AGAP3: variants seen among roughly 807,000 people sequenced by gnomAD.
AGAP3 encodes the protein ArfGAP with GTPase domain, ankyrin repeat and PH domain 3, also known as arf-GAP with GTPase, ANK repeat and PH domain-containing protein 3.
A neutral mutation model predicts 96.9 loss-of-function variants in AGAP3; 24 were observed. The observed-to-expected ratio is 0.25, with a 90% CI of 0.18 to 0.35. The LOEUF (loss-of-function observed/expected upper bound fraction) is 0.35. Ranked by LOEUF, AGAP3 falls within the 10% of genes least tolerant of loss-of-function variation. The pLI, the probability that AGAP3 is intolerant of heterozygous loss-of-function variation, is 1.00. For synonymous variants in AGAP3, 563 were observed against 536.1 expected, an observed-to-expected ratio of 1.05 and a Z score of -0.69; for missense variants, 876 against 1,254.2, an observed-to-expected ratio of 0.70 and a Z score of 4.55.
At chr7:151,128,127 A>G (rs796175854) in intron 9 of AGAP3, among the ~76,000 whole-genome samples, 1 of 152,158 alleles carries the variant, frequency 6.6e-6, no homozygotes, top group South Asian at 2.1e-4. Flanking sequence ...GTGGAAGGCC[A>G]GGAACTTAGC....
chr7:151,103,412 C>T (rs917945164), intron 1 of AGAP3, among the ~76,000 whole-genome samples: 13 of 152,174 alleles, frequency 8.5e-5, no homozygotes. Context: ...ACAGAAAACC[C>T]AGAATTTATA....
intron 1 of AGAP3, among the ~76,000 whole-genome samples, chr7:151,098,599 C>T (rs902938279): frequency 6.6e-6 from 1 of 151,850 alleles, no homozygotes; most frequent in Non-Finnish European, 1.5e-5. Flanking sequence ...TGCAGTGAGC[C>T]GTGATCACAC....
At chr7:151,097,098 AT>A (rs965691367) in intron 1 of AGAP3, among the ~76,000 whole-genome samples, 12 of 152,118 alleles carry the variant, frequency 7.9e-5, no homozygotes, top group African/African-American at 2.7e-4. Context: ...CTGATTTTCA[AT>A]TTTCAAGTAG....
intron 8 of AGAP3, 76 bp from the exon 9 acceptor site, chr7:151,123,718 G>A: frequency 6.3e-7 from 1 of 1,591,766 alleles, no homozygotes; most frequent in Non-Finnish European, 8.6e-7. Flanking sequence ...AGGCAGGAGG[G>A]AGGCCGGGAA....
chr7:151,117,232 C>T (rs1799634308), intron 3 of AGAP3, 50 bp downstream of exon 3: 1 of 1,592,546 alleles, frequency 6.3e-7, no homozygotes, highest in South Asian at 1.1e-5. Flanking sequence ...ACTCCTCCAG[C>T]TCCTGCCCAC....
At chr7:151,111,885 G>A (rs1277363510) in intron 1 of AGAP3, among the ~76,000 whole-genome samples, 2 of 152,196 alleles carry the variant, frequency 1.3e-5, no homozygotes, top group Non-Finnish European at 2.9e-5. Flanking sequence ...GAGAACTGAC[G>A]TGAGGGCTTG....
intron 9 of AGAP3, among the ~76,000 whole-genome samples, chr7:151,124,532 G>A (rs1187282393): frequency 6.6e-6 from 1 of 152,250 alleles, no homozygotes; most frequent in Non-Finnish European, 1.5e-5. Context: ...AGCCTGAGGA[G>A]CTGGGGTGCC....
chr7:151,129,070 A>G (rs1800298045), intron 10 of AGAP3, among the ~76,000 whole-genome samples: 1 of 151,998 alleles, frequency 6.6e-6, no homozygotes, highest in South Asian at 2.1e-4. Context: ...AGAATGGGCT[A>G]GAGCCTCGGA....
At chr7:151,135,290 G>A (rs1026590178) in intron 11 of AGAP3, among the ~76,000 whole-genome samples, 11 of 152,162 alleles carry the variant, frequency 7.2e-5, no homozygotes, top group African/African-American at 2.7e-4. Flanking sequence ...CTAGACCATT[G>A]GATCTCATGT....
Position 151,116,838 on chromosome 7 carries a change from C to A in AGAP3, c.377C>A (p.Pro126Gln). The A allele has an allele frequency of 6.2e-7, 1 of 1,614,030 alleles. No homozygotes were observed. Among genetic ancestry groups the A allele is most frequent in the Non-Finnish European group, 8.5e-7 (1 of 1,180,002 alleles). Residue 126 changes from proline to glutamine, a missense_variant, in exon 2 of 18, where the codon CCG (proline) becomes CAG (glutamine). Transcript: ENST00000397238. ...SQEWTLSRSV[P>Q]ELKVGIVGNL... is the part of the protein sequence containing the mutation. ...GAGTGGACGCTGAGCCGCTCCGTAC[C>A]GGAGCTTAAAGTGGTGAGTGTGGCC...
intron 1 of AGAP3, chr7:151,115,408 G>C: frequency 4.0e-6 from 4 of 1,007,754 alleles, no homozygotes; most frequent in Non-Finnish European, 4.7e-6. Flanking sequence ...CGGCCGCCGC[G>C]CGCGCGCACC....
At position 151,134,411 on chromosome 7, in the gene AGAP3, G is replaced by A. The variant is rs1800512980; in HGVS notation, c.1338G>A (p.Gln446=). 1 of 1,613,674 alleles carries A rather than the reference G, an allele frequency of 6.2e-7. No individual in the cohort carries two copies. Among genetic ancestry groups the A allele is most frequent in the East Asian group, 2.2e-5 (1 of 44,876 alleles). Residue 446 remains glutamine (Q), a synonymous_variant, in exon 11 of 18, where the codon CAG becomes CAA. Transcript: ENST00000397238. The part of the protein sequence containing the change: ...TYHPSLHDYM[Q]NIHGKEIDLL... ...CACCCGGCCTGCAGGATTACATGCA[G>A]AACATCCACGGCAAGGAGATTGACC...
chr7:151,137,437 A>G (rs1337157831), intron 11 of AGAP3, among the ~76,000 whole-genome samples: 1 of 152,214 alleles, frequency 6.6e-6, no homozygotes, highest in Non-Finnish European at 1.5e-5. Flanking sequence ...TCGGAGTTCC[A>G]ACTCAGGCCT....
chr7:151,110,735 G>T (rs982273745), intron 1 of AGAP3, among the ~76,000 whole-genome samples: 3 of 152,186 alleles, frequency 2.0e-5, no homozygotes, highest in Non-Finnish European at 1.5e-5. Context: ...TTGAAGAAAG[G>T]AGCTGGTGAT....
At chr7:151,107,402 T>A (rs937356633) in intron 1 of AGAP3, among the ~76,000 whole-genome samples, 1 of 151,608 alleles carries the variant, frequency 6.6e-6, no homozygotes, top group South Asian at 2.1e-4. Context: ...GGCAGGCAGA[T>A]TGCTTGAGCT....
intron 10 of AGAP3, 105 bp downstream of exon 10, chr7:151,128,789 C>A: frequency 1.0e-6 from 1 of 965,010 alleles, no homozygotes; most frequent in Non-Finnish European, 1.6e-6. Context: ...GGGAAGCAGA[C>A]CTTAGTGATT....
intron 1 of AGAP3, chr7:151,115,298 G>C (rs1217050638): frequency 3.0e-6 from 3 of 1,004,496 alleles, no homozygotes; most frequent in African/African-American, 3.5e-5. Flanking sequence ...GGCGCGGGCC[G>C]GAGGGGCCCC....
intron 1 of AGAP3, among the ~76,000 whole-genome samples, chr7:151,089,320 C>G (rs942209668): frequency 1.3e-5 from 2 of 152,202 alleles, no homozygotes; most frequent in African/African-American, 4.8e-5. Flanking sequence ...TGGGCGTTTC[C>G]GAGCACAGTC....
At position 151,108,035 on chromosome 7, in the gene AGAP3, C is replaced by T. The variant is rs529861140; in HGVS notation, c.332-8758C>T. ...CGGGGGGTGCAGCACATGCTGGTCGCGTTCCTCTCCAGGGAGGAGCTGCTA... is the reference window on the plus strand; with the variant it reads ...CGGGGGGTGCAGCACATGCTGGTCGTGTTCCTCTCCAGGGAGGAGCTGCTA... On this transcript the variant is annotated intron_variant, in intron 1 of 17. Coordinates refer to ENST00000397238, the MANE Select transcript of AGAP3 (RefSeq NM_031946.7). The surrounding 1 kb of genome is among the most constrained non-coding windows in gnomAD (Gnocchi z 4.2). 2.6e-5 allele frequency among the ~76,000 whole-genome samples: 4 copies of T among 152,214 alleles called. No individual in the cohort carries two copies. Among genetic ancestry groups the T allele is most frequent in the African/African-American group, 4.8e-5 (2 of 41,464 alleles).
Sources: allele counts gnomAD v4.1 joint callset (sites outside exome capture counted in the v4.1 genomes callset), GRCh38; gene constraint gnomAD v4.1.1; non-coding constraint Gnocchi (gnomAD v3.1); transcripts MANE v1.5; gene names NCBI Gene and HGNC (gene_info 2026-07-23, HGNC 2026-07-21).